The following HNRNPLL variants were observed in gnomAD, a reference collection of about 807,000 sequenced individuals.
HNRNPLL encodes the protein heterogeneous nuclear ribonucleoprotein L like, also known as heterogeneous nuclear ribonucleoprotein L-like.
In HNRNPLL, 25 loss-of-function variants were observed where a neutral mutation model predicts 67.1. That is an observed-to-expected ratio of 0.37 (90% confidence interval 0.27 to 0.52). HNRNPLL has a LOEUF of 0.52. Ranked by LOEUF, HNRNPLL falls within the 20% of genes least tolerant of loss-of-function variation. The pLI is 0.90. For missense variants in HNRNPLL, 542 were observed against 673.9 expected (o/e 0.80, Z 2.17); for synonymous variants, 267 against 241.7 (o/e 1.10, Z -0.97).
chr2:38,569,496 C>T (rs958358319), intron 9 of HNRNPLL, among the ~76,000 whole-genome samples, 162 bp from the exon 10 acceptor site: 2 of 152,132 alleles, frequency 1.3e-5, no homozygotes, highest in African/African-American at 4.8e-5. Context: ...TAATCAATCA[C>T]TCTTGTAGTT....
At chr2:38,591,221 T>A (rs548753367) in intron 2 of HNRNPLL, among the ~76,000 whole-genome samples, 1 of 152,154 alleles carries the variant, frequency 6.6e-6, no homozygotes, top group African/African-American at 2.4e-5. Context: ...GTTTAAAGAG[T>A]GTTTGAACAG....
chr2:38,577,482 A>C lies in HNRNPLL; in HGVS notation c.853T>G (p.Ser285Ala). 6.2e-7 allele frequency: 1 copy of C among 1,608,128 alleles called. No homozygotes were observed. Among genetic ancestry groups the C allele is most frequent in the Non-Finnish European group, 8.5e-7 (1 of 1,174,760 alleles). The change falls in exon 7 of 13, where the codon TCG (serine) becomes GCG (alanine). Residue 285 changes from serine to alanine, a missense_variant. Physicochemically the swap from Ser to Ala is moderately conservative, Grantham distance 99. This residue lies in a region of HNRNPLL where 415 missense variants were observed against 575.2 expected (regional missense o/e 0.72). Transcript: ENST00000449105. The part of the protein sequence containing the change: ...RQAILGEHPS[S>A]FRHDGYGSHG... ...TTACCATAGCCATCATGTCTAAACG[A>C]AGAAGGGTGTTCTCCCAAAATGGCT...
At chr2:38,598,793 C>T (rs1351835997) in intron 1 of HNRNPLL, among the ~76,000 whole-genome samples, 2 of 152,192 alleles carry the variant, frequency 1.3e-5, no homozygotes, top group African/African-American at 2.4e-5. Flanking sequence ...CAGTCTAAAA[C>T]CAAAAGATGG....
intron 1 of HNRNPLL, among the ~76,000 whole-genome samples, chr2:38,600,353 A>G (rs1667377684): frequency 6.6e-6 from 1 of 152,326 alleles, no homozygotes; most frequent in African/African-American, 2.4e-5. Flanking sequence ...TTCGGTTAAA[A>G]AAGGCATGTG....
chr2:38,569,465 T>C, intron 9 of HNRNPLL, 131 bp from the exon 10 acceptor site: 1 of 625,570 alleles, frequency 1.6e-6, no homozygotes, highest in Non-Finnish European at 2.8e-6. Context: ...GCTATTTAAA[T>C]AGAGGATTTA....
At position 38,602,466 on chromosome 2, in the gene HNRNPLL, C is replaced by T; in HGVS notation, c.161G>A (p.Gly54Asp). The change falls in exon 1 of 13, where the codon GGC becomes GAC. Residue 54 changes from glycine to aspartate, a missense_variant. Transcript: ENST00000449105. ...CTGAGAGAAGCTCCGGCCGCCGCCG[C>T]CGCCATCGCCCCCGCCCCGGGGCGT... ...EATPRGGGDGGGGGRSFSQPE... is the reference protein window; with the variant it reads ...EATPRGGGDGDGGGRSFSQPE... The T allele has an allele frequency of 6.5e-7, 1 of 1,539,616 alleles. No homozygotes were observed.
intron 6 of HNRNPLL, chr2:38,577,798 A>C (rs1355025299): frequency 6.3e-6 from 3 of 475,120 alleles, no homozygotes; most frequent in African/African-American, 2.0e-5. Context: ...AATTTAAGGA[A>C]GAATGGATAC....
chr2:38,568,140 G>A (rs1033748391), intron 12 of HNRNPLL, 59 bp downstream of exon 12: 11 of 1,009,040 alleles, frequency 1.1e-5, no homozygotes, highest in Non-Finnish European at 1.7e-5. Context: ...TACCATGAAT[G>A]TTTCTGTGAT....
chr2:38,589,637 C>T (rs1382149089), intron 2 of HNRNPLL, among the ~76,000 whole-genome samples: 1 of 152,150 alleles, frequency 6.6e-6, no homozygotes, highest in African/African-American at 2.4e-5. Context: ...TTACCAGAGA[C>T]TAAGTATCAA....
chr2:38,596,775 T>G (rs1217515684), intron 1 of HNRNPLL, among the ~76,000 whole-genome samples: 3 of 152,194 alleles, frequency 2.0e-5, no homozygotes, highest in Non-Finnish European at 4.4e-5. Context: ...TTACCTAGGC[T>G]CTCTCTTTCT....
At chr2:38,580,527 G>A (rs1666482780) in intron 6 of HNRNPLL, among the ~76,000 whole-genome samples, 1 of 152,044 alleles carries the variant, frequency 6.6e-6, no homozygotes, top group Admixed American at 6.5e-5. Context: ...ACTCCCCAAG[G>A]TATTTTGTAT....
intron 1 of HNRNPLL, among the ~76,000 whole-genome samples, chr2:38,594,660 T>C (rs1295313494): frequency 1.3e-5 from 2 of 152,124 alleles, no homozygotes; most frequent in East Asian, 3.8e-4. Flanking sequence ...TTATTAAAAA[T>C]ACCCAAGGCC....
At chr2:38,595,470 A>T (rs1022187095) in intron 1 of HNRNPLL, among the ~76,000 whole-genome samples, 2 of 151,946 alleles carry the variant, frequency 1.3e-5, no homozygotes, top group Non-Finnish European at 2.9e-5. Context: ...AATCTCTCAA[A>T]AAAAATCTCC....
intron 2 of HNRNPLL, among the ~76,000 whole-genome samples, chr2:38,586,543 A>G (rs1666742023): frequency 6.6e-6 from 1 of 152,244 alleles, no homozygotes; most frequent in Non-Finnish European, 1.5e-5. Flanking sequence ...GAAGGTTGGC[A>G]GACAGAATCC....
intron 1 of HNRNPLL, among the ~76,000 whole-genome samples, chr2:38,592,340 T>C (rs571782125): frequency 7.2e-5 from 11 of 152,336 alleles, no homozygotes; most frequent in Non-Finnish European, 5.9e-5. Flanking sequence ...ATCAAAAATT[T>C]TTCCTCAACA....
chr2:38,564,412 G>C (rs1349055182), intron 12 of HNRNPLL, among the ~76,000 whole-genome samples, 175 bp from the exon 13 acceptor site: 1 of 151,782 alleles, frequency 6.6e-6, no homozygotes, highest in African/African-American at 2.4e-5. Context: ...CTGAAGTCAG[G>C]AGTTCGAGAC....
intron 4 of HNRNPLL, 34 bp from the exon 5 acceptor site, chr2:38,582,202 T>A (rs1666555904): frequency 7.2e-7 from 1 of 1,381,582 alleles, no homozygotes; most frequent in East Asian, 2.3e-5. Context: ...GTTTAAGGTA[T>A]CTGATACTTA....
Position 38,602,800 on chromosome 2 carries a change from C to G in HNRNPLL, c.-174G>C. The G allele has an allele frequency of 3.9e-6, 6 of 1,538,158 alleles. No individual in the cohort carries two copies. The highest frequency in any genetic ancestry group is 5.3e-6 in the Non-Finnish European group (6 of 1,141,878). On this transcript the variant is annotated 5_prime_UTR_variant, in exon 1 of 13. Coordinates refer to ENST00000449105, the MANE Select transcript of HNRNPLL (RefSeq NM_138394.4). ...GAGACTGGCGGCTGAGAAGCGCGGA[C>G]GGACTGAGGGGGGCGCCCCGGGAGG...
At chr2:38,601,734 A>T (rs1033241904) in intron 1 of HNRNPLL, 2 of 152,180 alleles carry the variant, frequency 1.3e-5, no homozygotes, top group Non-Finnish European at 1.5e-5. Context: ...AAACTTTAGT[A>T]ATTTTAAGAT....
Sources: gnomAD v4.1 joint callset for allele counts (sites outside exome capture counted in the v4.1 genomes callset) on GRCh38, gnomAD v4.1.1 for gene constraint, gnomAD v4.1.1 regional missense constraint, MANE v1.5 for transcripts, NCBI Gene and HGNC (gene_info 2026-07-23, HGNC 2026-07-21) for gene names.